The following DHX34 variants were observed in gnomAD, a reference collection of about 807,000 sequenced individuals.
The protein encoded by DHX34 is probable ATP-dependent RNA helicase DHX34.
In DHX34, 96 loss-of-function variants were observed where a neutral mutation model predicts 111.1. The observed-to-expected ratio is 0.86, with a 90% CI of 0.73 to 1.02. DHX34 has a LOEUF of 1.02. DHX34 is among the 50% of genes least tolerant of loss of function. DHX34 has a pLI of 0.00. For synonymous variants in DHX34, 688 were observed against 670.4 expected (o/e 1.03, Z -0.41); for missense variants, 1,560 against 1,579.9 (o/e 0.99, Z 0.21).
intron 1 of DHX34, 78 bp downstream of exon 1, chr19:47,349,430 T>G (rs1176528788): frequency 6.6e-6 from 1 of 151,704 alleles, no homozygotes; most frequent in Non-Finnish European, 1.5e-5. Flanking sequence ...GGGGGTAGTT[T>G]GGGGTGCGAG....
chr19:47,362,046 A>G (rs1476504604), intron 5 of DHX34, among the ~76,000 whole-genome samples: 1 of 152,102 alleles, frequency 6.6e-6, no homozygotes, highest in Non-Finnish European at 1.5e-5. Context: ...TCACTTTGGG[A>G]GCCTGAGGCA....
chr19:47,367,727 A>G (rs916384757), intron 7 of DHX34, among the ~76,000 whole-genome samples: 2 of 151,922 alleles, frequency 1.3e-5, no homozygotes, highest in Admixed American at 1.3e-4. Flanking sequence ...GTCTCTACTA[A>G]AAATACAAAA....
At position 47,353,152 on chromosome 19, in the gene DHX34, A is replaced by G. The variant is rs376717473; in HGVS notation, c.122A>G (p.Asp41Gly). 5.9e-5 allele frequency: 96 copies of G among 1,614,016 alleles called. No individual in the cohort carries two copies. Among genetic ancestry groups the G allele is most frequent in the Non-Finnish European group, 6.9e-5 (81 of 1,180,042 alleles). Residue 41 changes from aspartate to glycine, a missense_variant, in exon 2 of 17, where the codon GAT becomes GGT. Physicochemically the swap from Asp to Gly is moderately conservative, Grantham distance 94 (BLOSUM62 -1). Coordinates refer to ENST00000328771, the MANE Select transcript of DHX34 (RefSeq NM_014681.6). This position sits in a 1 kb window ranked among gnomAD's most constrained non-coding sequence, Gnocchi z 4.6. ...CCAGAGACGCGTCGCCTCTTGGAAG[A>G]TGCCTTCTTCCGTGAAGAGGATTAC... ...NCPETRRLLE[D>G]AFFREEDYIR... is the part of the protein sequence containing the mutation.
Position 47,381,309 on chromosome 19 carries a change from C to G in DHX34, c.3283C>G (p.Gln1095Glu), listed in dbSNP as rs764768164. The G allele has an allele frequency of 6.2e-7, 1 of 1,613,596 alleles. No homozygotes were observed. Among genetic ancestry groups the G allele is most frequent in the Non-Finnish European group, 8.5e-7 (1 of 1,179,778 alleles). Residue 1095 changes from glutamine to glutamate, a missense_variant, in exon 16 of 17, where the codon CAG becomes GAG. Gln to Glu is a conservative substitution (Grantham distance 29). Coordinates refer to ENST00000328771, the MANE Select transcript of DHX34 (RefSeq NM_014681.6). Reference protein sequence around the residue: ...AHENTCPQAPQDGPPGAEEAA... With the variant: ...AHENTCPQAPEDGPPGAEEAA... Reference sequence around the variant, plus strand: ...TGAGAACACCTGCCCCCAGGCCCCACAGGATGGGCCCCCAGGTAAGCACAG... The same window carrying G: ...TGAGAACACCTGCCCCCAGGCCCCAGAGGATGGGCCCCCAGGTAAGCACAG...
At chr19:47,380,557 A>G in intron 14 of DHX34, 2 of 912,530 alleles carry the variant, frequency 2.2e-6, no homozygotes, top group Non-Finnish European at 2.6e-6. Context: ...GGTTAGACTC[A>G]AGGTCTGAAT....
intron 1 of DHX34, among the ~76,000 whole-genome samples, chr19:47,350,620 A>C (rs927017779): frequency 6.6e-6 from 1 of 151,798 alleles, no homozygotes; most frequent in African/African-American, 2.4e-5. Flanking sequence ...GGATTTTTCC[A>C]TGTTCGTCAG....
In DHX34 at chr19:47,375,679, C is replaced by T. The variant is rs564281782; in HGVS notation, c.2278C>T (p.Pro760Ser). The change falls in exon 10 of 17, where the codon CCA becomes TCA. Residue 760 changes from proline to serine, a missense_variant. By Grantham distance (74) the Pro-to-Ser change is moderately conservative. Transcript: ENST00000328771. ...CGAGGACAGGGCTGGCCCAGCCCCC[C>T]CAGGGGCCAGTGATGGCGTGGACAT... ...SDEDRAGPAP[P>S]GASDGVDIQD... is the part of the protein sequence containing the mutation. The T allele has an allele frequency of 1.9e-4, 303 of 1,557,386 alleles. 1 individual carries two copies. In the African/African-American group the frequency reaches 2.9e-3, roughly 15 times the overall value.
In DHX34 at chr19:47,376,023, G is replaced by A; in HGVS notation, c.2407G>A (p.Val803Met). 4.4e-6 allele frequency: 7 copies of A among 1,604,966 alleles called. No homozygotes were observed. The highest frequency in any genetic ancestry group is 5.9e-6 in the Non-Finnish European group (7 of 1,177,174). Residue 803 changes from valine (V) to methionine (M), a missense_variant, in exon 11 of 17, where the codon GTG becomes ATG. By Grantham distance (21) the Val-to-Met change is conservative. Transcript: ENST00000328771. ...SREQLALLKL[V>M]LGRGLYPQLA... ...CGAGCAGCTGGCTCTGCTGAAGCTG[G>A]TGCTGGGCCGGGGCCTGTACCCACA...
chr19:47,379,513 G>T (rs1970280953), intron 13 of DHX34, 197 bp from the exon 14 acceptor site: 1 of 916,016 alleles, frequency 1.1e-6, no homozygotes, highest in South Asian at 5.0e-5. Flanking sequence ...CCCCTTCCCT[G>T]ACTCAGCGGC....
intron 3 of DHX34, 164 bp from the exon 4 acceptor site, chr19:47,357,702 C>A: frequency 4.1e-6 from 4 of 967,900 alleles, no homozygotes; most frequent in Non-Finnish European, 4.9e-6. Flanking sequence ...AAGCCTGGAT[C>A]CCTGAATGAC....
intron 12 of DHX34, 176 bp downstream of exon 12, chr19:47,376,736 C>T (rs907272060): frequency 9.8e-6 from 14 of 1,429,260 alleles, no homozygotes; most frequent in South Asian, 5.6e-5. Flanking sequence ...GGGTGACTCA[C>T]CCCTGCTGGG....
intron 13 of DHX34, chr19:47,379,477 C>A: frequency 2.0e-6 from 1 of 502,238 alleles, no homozygotes. Flanking sequence ...CCAGCACGCT[C>A]CCATCTGCCG....
intron 7 of DHX34, among the ~76,000 whole-genome samples, chr19:47,371,975 GC>G (rs1969977233): frequency 6.6e-6 from 1 of 151,512 alleles, no homozygotes; most frequent in Non-Finnish European, 1.5e-5. Context: ...TCCAGCGTCA[GC>G]TCGGGCGCCC....
In DHX34 at chr19:47,375,702, C is replaced by T; in HGVS notation, c.2301C>T (p.Asp767=). The change falls in exon 10 of 17, where the codon GAC becomes GAT. Residue 767 remains aspartate (D), a synonymous_variant. Coordinates refer to ENST00000328771, the MANE Select transcript of DHX34 (RefSeq NM_014681.6). ...CCCCAGGGGCCAGTGATGGCGTGGA[C>T]ATCCAGGTGGGCGCCATGGGCTGTG... is the stretch of plus-strand genomic sequence containing the variant. The part of the protein sequence containing the change: ...PAPPGASDGV[D]IQDVKFKLRH... 6.4e-7 allele frequency: 1 copy of T among 1,561,036 alleles called. No individual in the cohort carries two copies.
chr19:47,361,374 C>A (rs1969626715), intron 5 of DHX34, among the ~76,000 whole-genome samples: 1 of 151,976 alleles, frequency 6.6e-6, no homozygotes, highest in Non-Finnish European at 1.5e-5. Context: ...GGGAGAATCA[C>A]CTGAGCCCAG....
At chr19:47,371,807 C>G (rs368975583) in intron 7 of DHX34, among the ~76,000 whole-genome samples, 1 of 151,976 alleles carries the variant, frequency 6.6e-6, no homozygotes, top group African/African-American at 2.4e-5. Flanking sequence ...ACCAGGTTTG[C>G]CAGGCTGGTC....
intron 13 of DHX34, 44 bp from the exon 14 acceptor site, chr19:47,379,666 T>C: frequency 6.4e-7 from 1 of 1,556,438 alleles, no homozygotes; most frequent in Non-Finnish European, 8.7e-7. Context: ...AATAGCGCCC[T>C]GCCCCTCCCA....
At chr19:47,360,620 C>G (rs962785703) in intron 5 of DHX34, among the ~76,000 whole-genome samples, 19 of 152,138 alleles carry the variant, frequency 1.2e-4, no homozygotes, top group African/African-American at 4.6e-4. Context: ...AAGAGATATC[C>G]CCTCCTCCAT....
At chr19:47,350,772 C>G (rs1373638534) in intron 1 of DHX34, among the ~76,000 whole-genome samples, 2 of 151,692 alleles carry the variant, frequency 1.3e-5, no homozygotes, top group Admixed American at 6.6e-5. Context: ...AAATGGAGAA[C>G]TGAAGAGAGA....
Sources: gnomAD v4.1 joint callset for allele counts (sites outside exome capture counted in the v4.1 genomes callset) on GRCh38, gnomAD v4.1.1 for gene constraint, Gnocchi (gnomAD v3.1) non-coding constraint, MANE v1.5 for transcripts, NCBI Gene and HGNC (gene_info 2026-07-23, HGNC 2026-07-21) for gene names.